Variants in OPHN1 observed in about 807,000 individuals in gnomAD.
The protein encoded by OPHN1 is oligophrenin 1, also known as oligophrenin-1.
OPHN1 carries 11 observed loss-of-function variants against 60.7 expected under a neutral mutation model. That is an observed-to-expected ratio of 0.18 (90% CI 0.11 to 0.30). The LOEUF (loss-of-function observed/expected upper bound fraction) is 0.30, where lower values mean the gene tolerates loss of function less well. OPHN1 is among the 10% of genes least tolerant of loss of function. The pLI is 1.00. For synonymous variants in OPHN1, 226 were observed against 222.6 expected (o/e 1.02, Z -0.14); for missense variants, 449 against 611.0 (o/e 0.73, Z 2.80).
rs1427139266 is a variant in OPHN1 at position 68,318,393 on chromosome X, T to G, written c.155-19297A>C. The stretch of plus-strand genomic sequence containing the variant: ...TATCAAAACCACAGCAAGATTTTTT[T>G]GGGGCAAAGACAGACAAAATAATTC... On this transcript the variant is annotated intron_variant, in intron 2 of 24. Coordinates refer to ENST00000355520, the MANE Select transcript of OPHN1 (RefSeq NM_002547.3). Among the ~76,000 whole-genome samples the G allele has an allele frequency of 1.3e-4, 15 of 111,994 alleles. No homozygotes were observed. The South Asian group carries it at 3.0e-3, about 22-fold the overall frequency.
chrX:68,357,499 G>A (rs752646087), intron 2 of OPHN1, among the ~76,000 whole-genome samples: 11 of 108,924 alleles, frequency 1.0e-4, no homozygotes, highest in Middle Eastern at 4.7e-3. Flanking sequence ...GAGAACATGC[G>A]GCGTTTGGTT....
intron 15 of OPHN1, among the ~76,000 whole-genome samples, chrX:68,127,040 G>T (rs1240952062): frequency 1.8e-5 from 2 of 112,088 alleles, no homozygotes; most frequent in African/African-American, 6.5e-5. Flanking sequence ...AACTAAAAAG[G>T]TTCTTAGGTC....
intron 15 of OPHN1, among the ~76,000 whole-genome samples, chrX:68,168,143 C>T (rs1379327907): frequency 1.8e-5 from 2 of 110,557 alleles, no homozygotes; most frequent in Admixed American, 1.9e-4. Flanking sequence ...CAGCTCTGCA[C>T]CAAACGGACC....
intron 5 of OPHN1, among the ~76,000 whole-genome samples, chrX:68,266,327 C>T (rs907133476): frequency 5.4e-5 from 6 of 111,920 alleles, no homozygotes; most frequent in African/African-American, 9.7e-5. Flanking sequence ...AACAGCTGAT[C>T]GCTCGGCAGA....
chrX:68,422,416 G>A (rs1282154668), intron 2 of OPHN1, among the ~76,000 whole-genome samples: 2 of 107,501 alleles, frequency 1.9e-5, no homozygotes, highest in East Asian at 5.9e-4. Context: ...CCAGCTACTT[G>A]GGAGGCTGAG....
chrX:68,252,107 C>A (rs1430398578), intron 5 of OPHN1, among the ~76,000 whole-genome samples: 1 of 111,626 alleles, frequency 9.0e-6, no homozygotes, highest in Non-Finnish European at 1.9e-5. Context: ...TGAGAATAAT[C>A]TGCCTCAGGT....
intron 19 of OPHN1, among the ~76,000 whole-genome samples, chrX:68,083,574 C>T (rs1017274349): frequency 8.9e-6 from 1 of 112,284 alleles, no homozygotes; most frequent in Non-Finnish European, 1.9e-5. Flanking sequence ...TGTGTGTTCA[C>T]TGGAGTAGCA....
chrX:68,388,102 T>A (rs894617328), intron 2 of OPHN1, among the ~76,000 whole-genome samples: 59 of 103,927 alleles, frequency 5.7e-4, no homozygotes, highest in African/African-American at 1.9e-3. Flanking sequence ...TGGGAATAAA[T>A]AACAGAAAAG....
rs1293629721 is a variant in OPHN1, at chrX:68,096,884, C to T, written c.1672G>A (p.Glu558Lys). The change falls in exon 19 of 25, where the codon GAG becomes AAG. Residue 558 changes from glutamate to lysine, a missense_variant. Transcript: ENST00000355520. ...FQNIVVEILI[E>K]HFGKIYLGPP... ...AAAATGCATACCTTGCCAAAGTGCT[C>T]GATTAGTATTTCCACCACTATGTTC... The T allele has an allele frequency of 8.3e-7, 1 of 1,210,254 alleles. No homozygotes were observed.
chrX:68,427,652 CAA>C (rs2078866622), intron 2 of OPHN1, among the ~76,000 whole-genome samples: 1 of 108,966 alleles, frequency 9.2e-6, no homozygotes, highest in African/African-American at 3.3e-5. Context: ...TGCTCATTTG[CAA>C]AGAGTATCCA....
At position 68,197,250 on chromosome X, in the gene OPHN1, G is replaced by A; in HGVS notation, c.1040C>T (p.Thr347Ile). ...GTTAGCTTCTGAAAGGGCCTGCAGA[G>A]TGATGGTTCCTGGCCTGAGGGGGAA... Reference protein sequence around the residue: ...IETNERPGTITLQALSEANRR... With the variant: ...IETNERPGTIILQALSEANRR... Residue 347 changes from threonine (T) to isoleucine (I), a missense_variant, in exon 12 of 25, where the codon ACT (threonine) becomes ATT (isoleucine). Around this residue, in one of 4 missense-constraint regions of OPHN1, gnomAD observed 166 missense variants for 278.4 expected, o/e 0.60. Coordinates refer to ENST00000355520, the MANE Select transcript of OPHN1 (RefSeq NM_002547.3). 7 of 1,208,901 alleles carry A rather than the reference G, an allele frequency of 5.8e-6. No homozygotes were observed. Among genetic ancestry groups the A allele is most frequent in the Non-Finnish European group, 7.8e-6 (7 of 893,282 alleles).
At chrX:68,160,465 A>G (rs1471360298) in intron 15 of OPHN1, among the ~76,000 whole-genome samples, 1 of 111,615 alleles carries the variant, frequency 9.0e-6, no homozygotes, top group African/African-American at 3.2e-5. Context: ...GCCATTCAAA[A>G]AAAGCAGAAC....
At chrX:68,197,307 C>T in intron 11 of OPHN1, 43 bp from the exon 12 acceptor site, 1 of 1,030,229 alleles carries the variant, frequency 9.7e-7, no homozygotes, top group Non-Finnish European at 1.4e-6. Flanking sequence ...GAAAATTCAA[C>T]TGAGAGAATG....
intron 6 of OPHN1, among the ~76,000 whole-genome samples, chrX:68,227,408 T>G (rs903329296): frequency 1.8e-5 from 2 of 111,367 alleles, no homozygotes; most frequent in Non-Finnish European, 3.8e-5. Context: ...CAAGCGGACC[T>G]AATAGACATC....
In OPHN1 at chrX:68,063,905, A is replaced by AG; in HGVS notation, c.2106dup (p.Ser703LeufsTer21). The AG allele has an allele frequency of 1.7e-6, 2 of 1,186,687 alleles. No homozygotes were observed. On this transcript the variant is annotated frameshift_variant, in exon 21 of 25. Coordinates refer to ENST00000355520, the MANE Select transcript of OPHN1 (RefSeq NM_002547.3). LOFTEE classifies it high-confidence loss of function. ...GGAGCTGGTCTCTTTATGTGGAAAG[A>AG]GGGGGTCTTGGTGGGCCCAGAGCCT...
At chrX:68,070,644 G>T in intron 20 of OPHN1, 1 of 773,227 alleles carries the variant, frequency 1.3e-6, no homozygotes, top group Non-Finnish European at 2.0e-6. Context: ...ACAGCAAGTG[G>T]CAGTGTTTCC....
chrX:68,266,064 A>G (rs1047650634), intron 5 of OPHN1, among the ~76,000 whole-genome samples: 16 of 111,892 alleles, frequency 1.4e-4, no homozygotes, highest in Non-Finnish European at 9.4e-5. Context: ...GGTGTACCTG[A>G]AAGTGACGGG....
rs961737185 is a variant in OPHN1, at chrX:68,324,447, A to T, written c.155-25351T>A. On this transcript the variant is annotated intron_variant, in intron 2 of 24. Coordinates refer to ENST00000355520, the MANE Select transcript of OPHN1 (RefSeq NM_002547.3). ...GTAAGACTCCGTCTCTACAAAAATT[A>T]AAAAAAAAAAAAAATAGCCAGGTAT... Among the ~76,000 whole-genome samples the T allele has an allele frequency of 1.1e-4, 9 of 81,216 alleles. No homozygotes were observed. The South Asian group carries it at 1.5e-3, about 13-fold the overall frequency. The allele number at this position is 81,216 out of a possible 115,157, so 70.5% of individuals were successfully genotyped here.
intron 2 of OPHN1, among the ~76,000 whole-genome samples, chrX:68,387,673 AT>A (rs1341155670): frequency 1.8e-5 from 2 of 111,668 alleles, no homozygotes; most frequent in Non-Finnish European, 3.8e-5. Flanking sequence ...ATTAATTATT[AT>A]TTTACAAACT....
Sources: gnomAD v4.1 joint callset for allele counts (sites outside exome capture counted in the v4.1 genomes callset) on GRCh38, gnomAD v4.1.1 for gene constraint, gnomAD v4.1.1 regional missense constraint, MANE v1.5 for transcripts, NCBI Gene and HGNC (gene_info 2026-07-23, HGNC 2026-07-21) for gene names.